Variants in HYCC2 observed in about 807,000 individuals in gnomAD.
HYCC2 encodes hyccin PI4KA lipid kinase complex subunit 2, also known as hyccin 2.
the HYCC2 span, among the ~76,000 whole-genome samples, chr2:201,048,620 C>A: frequency 6.6e-6 from 1 of 151,410 alleles, no homozygotes; most frequent in Admixed American, 6.6e-5. Context: ...AGAGTAGATA[C>A]CCCGATGTAG....
At chr2:201,023,030 A>T in the HYCC2 span, 1 of 752,824 alleles carries the variant, frequency 1.3e-6, no homozygotes, top group Non-Finnish European at 2.2e-6. Context: ...TAACAAACTC[A>T]AGTGAGAAAA....
At chr2:201,061,641 A>T in the HYCC2 span, among the ~76,000 whole-genome samples, 4,623 of 141,484 alleles carry the variant, frequency 0.033, 104 homozygotes, top group Non-Finnish European at 0.054. Context: ...TTTTTTTTTT[A>T]TTTTTATTGA....
chr2:201,022,200 G>T, the HYCC2 span: 1 of 648,906 alleles, frequency 1.5e-6, no homozygotes, highest in Non-Finnish European at 2.5e-6. Context: ...AAAACTGTAT[G>T]TCATACTACT....
the HYCC2 span, among the ~76,000 whole-genome samples, chr2:201,030,760 G>A: frequency 0.028 from 4,309 of 151,988 alleles, 216 homozygotes; most frequent in African/African-American, 0.099. Context: ...TGTATTTTTA[G>A]TAGAGACAGG....
chr2:200,984,526 A>C, the HYCC2 span, among the ~76,000 whole-genome samples: 5 of 152,232 alleles, frequency 3.3e-5, no homozygotes, highest in African/African-American at 1.2e-4. Context: ...TGTTAATCCA[A>C]AAGCTTGAGC....
the HYCC2 span, among the ~76,000 whole-genome samples, chr2:201,070,547 G>A: frequency 6.6e-6 from 1 of 152,084 alleles, no homozygotes; most frequent in Non-Finnish European, 1.5e-5. Context: ...AGCTACTCCG[G>A]AGGCTGGGGC....
the HYCC2 span, among the ~76,000 whole-genome samples, chr2:201,069,746 C>T: frequency 6.6e-6 from 1 of 152,050 alleles, no homozygotes; most frequent in African/African-American, 2.4e-5. Flanking sequence ...AACAAAACAC[C>T]AAACATCAAT....
the HYCC2 span, among the ~76,000 whole-genome samples, chr2:201,000,317 G>A: frequency 6.7e-6 from 1 of 149,342 alleles, no homozygotes; most frequent in African/African-American, 2.5e-5. Context: ...AGGGGTTCTA[G>A]GGTGCAGGCT....
At chr2:201,037,963 G>A in the HYCC2 span, among the ~76,000 whole-genome samples, 9 of 152,142 alleles carry the variant, frequency 5.9e-5, no homozygotes, top group South Asian at 1.7e-3. Context: ...GCAACCTACA[G>A]AATGAGAGAA....
the HYCC2 span, chr2:200,980,944 C>A: frequency 3.1e-6 from 1 of 320,790 alleles, no homozygotes; most frequent in South Asian, 4.4e-5. Flanking sequence ...TCTAATGTAC[C>A]CTCAGTCTCA....
chr2:201,025,987 G>A, the HYCC2 span, among the ~76,000 whole-genome samples: 5 of 152,098 alleles, frequency 3.3e-5, no homozygotes, highest in African/African-American at 1.2e-4. Context: ...ATGTAAATGG[G>A]CTAAATGCTC....
At chr2:201,041,001 C>A in the HYCC2 span, among the ~76,000 whole-genome samples, 3 of 152,118 alleles carry the variant, frequency 2.0e-5, no homozygotes, top group Non-Finnish European at 4.4e-5. Flanking sequence ...ATGTTTAAAC[C>A]CTTGTACCCT....
At chr2:201,062,944 AACT>A in the HYCC2 span, 2 of 981,576 alleles carry the variant, frequency 2.0e-6, no homozygotes, top group East Asian at 2.4e-5. Flanking sequence ...AGGCCTGAAC[AACT>A]ACTACTGCTG....
the HYCC2 span, among the ~76,000 whole-genome samples, chr2:201,033,184 TGTGTGTGTGTGTGAGA>T: frequency 6.8e-6 from 1 of 146,856 alleles, no homozygotes; most frequent in African/African-American, 2.6e-5. Flanking sequence ...TGTGTGTGTG[TGTGTGTGTGTGTGAGA>T]GAGAGAGAGA....
the HYCC2 span, among the ~76,000 whole-genome samples, chr2:201,030,877 C>T: frequency 6.6e-6 from 1 of 152,100 alleles, no homozygotes; most frequent in Non-Finnish European, 1.5e-5. Context: ...CTGCGCCCAG[C>T]TTATCTCATC....
the HYCC2 span, among the ~76,000 whole-genome samples, chr2:200,999,467 C>T: frequency 6.6e-6 from 1 of 151,664 alleles, no homozygotes; most frequent in Non-Finnish European, 1.5e-5. Flanking sequence ...CTCACTGCAA[C>T]CTCCGCCTCC....
At chr2:201,009,003 G>A in the HYCC2 span, 1 of 1,613,022 alleles carries the variant, frequency 6.2e-7, no homozygotes, top group East Asian at 2.2e-5. Context: ...TTCCCTCTGA[G>A]GATGAAGATC....
chr2:201,025,384 T>C, the HYCC2 span, among the ~76,000 whole-genome samples: 1 of 151,126 alleles, frequency 6.6e-6, no homozygotes, highest in Non-Finnish European at 1.5e-5. Flanking sequence ...CCCACTTTAA[T>C]GAACCACTTA....
the HYCC2 span, chr2:200,979,641 C>T: frequency 2.6e-5 from 4 of 152,452 alleles, no homozygotes; most frequent in Middle Eastern, 3.2e-3. Context: ...TCTATAAATT[C>T]AGTATATTTT....
Sources: allele counts gnomAD v4.1 joint callset (sites outside exome capture counted in the v4.1 genomes callset), GRCh38; gene constraint gnomAD v4.1.1; transcripts MANE v1.5; gene names NCBI Gene and HGNC (gene_info 2026-07-23, HGNC 2026-07-21).